The following PLPPR1 variants were observed in gnomAD, a reference collection of about 807,000 sequenced individuals.
The protein encoded by PLPPR1 is phospholipid phosphatase related 1.
Under a neutral mutation model 33.1 loss-of-function variants are expected in PLPPR1, and 10 were observed. That is an observed-to-expected ratio of 0.30 (90% CI 0.19 to 0.51). The LOEUF is 0.51. PLPPR1 is among the 20% of genes least tolerant of loss of function. PLPPR1 has a pLI of 0.97. For missense variants in PLPPR1, 304 were observed against 408.1 expected (o/e 0.74, Z 2.20); for synonymous variants, 151 against 151.0 (o/e 1.00, Z 0.00).
chr9:101,303,317 T>C (rs896235356), intron 4 of PLPPR1, among the ~76,000 whole-genome samples: 1 of 150,506 alleles, frequency 6.6e-6, no homozygotes, highest in Non-Finnish European at 1.5e-5. Flanking sequence ...TTGCTGTTGT[T>C]TGAGAAGGAG....
chr9:101,108,481 A>G (rs546636993), intron 1 of PLPPR1, among the ~76,000 whole-genome samples: 2 of 152,238 alleles, frequency 1.3e-5, no homozygotes, highest in Non-Finnish European at 2.9e-5. Context: ...AAGTAGTATG[A>G]TAAGATAATT....
At chr9:101,321,694 G>A (rs1404542309) in intron 7 of PLPPR1, among the ~76,000 whole-genome samples, 1 of 150,386 alleles carries the variant, frequency 6.6e-6, no homozygotes, top group Non-Finnish European at 1.5e-5. Context: ...TCTGGATGTG[G>A]TATAGAGTCT....
At chr9:101,291,085 T>C (rs911369707) in intron 4 of PLPPR1, among the ~76,000 whole-genome samples, 3 of 152,232 alleles carry the variant, frequency 2.0e-5, no homozygotes, top group African/African-American at 7.2e-5. Flanking sequence ...CCCACCCTAA[T>C]ACTGCGCTTT....
chr9:101,044,781 T>A (rs1305177804), intron 1 of PLPPR1, among the ~76,000 whole-genome samples: 1 of 152,174 alleles, frequency 6.6e-6, no homozygotes, highest in Non-Finnish European at 1.5e-5. Flanking sequence ...GGATCAGATG[T>A]GTTTCTCTTT....
At chr9:101,166,642 A>C (rs1243504396) in intron 1 of PLPPR1, among the ~76,000 whole-genome samples, 1 of 152,212 alleles carries the variant, frequency 6.6e-6, no homozygotes, top group African/African-American at 2.4e-5. Flanking sequence ...ATCATACAAA[A>C]ATTAACTCCA....
chr9:101,153,027 A>G (rs1050323258), intron 1 of PLPPR1, among the ~76,000 whole-genome samples: 1 of 152,222 alleles, frequency 6.6e-6, no homozygotes, highest in African/African-American at 2.4e-5. Context: ...CTTCCTACCC[A>G]CGAGCAGGGA....
rs930099192 is a variant in PLPPR1, at chr9:101,214,777, C to T, written c.63+29220C>T. Among the ~76,000 whole-genome samples the T allele has an allele frequency of 1.6e-4, 24 of 152,200 alleles. No homozygotes were observed. In the South Asian group the frequency reaches 1.9e-3, roughly 12 times the overall value. On this transcript the variant is annotated intron_variant, in intron 2 of 7. Coordinates refer to ENST00000374874, the MANE Select transcript of PLPPR1 (RefSeq NM_207299.2). The stretch of plus-strand genomic sequence containing the variant: ...GTGCATCATGCCTGTAATCCCAGCA[C>T]TTGGGGAGGCCGAGGCAGGCAGATC...
Position 101,278,554 on chromosome 9 carries a change from T to C in PLPPR1, c.253-7550T>C, listed in dbSNP as rs561832447. 9.9e-5 allele frequency among the ~76,000 whole-genome samples: 15 copies of C among 152,176 alleles called. 2 individuals are homozygous for C. Among genetic ancestry groups the C allele is most frequent in the African/African-American group, 2.2e-4 (9 of 41,522 alleles). Reference sequence around the variant, plus strand: ...CACCCCTCCCCCAACCATCACAACATTGAGAGAGACACCATCCACTTGGGG... The same window carrying C: ...CACCCCTCCCCCAACCATCACAACACTGAGAGAGACACCATCCACTTGGGG... On this transcript the variant is annotated intron_variant, in intron 3 of 7. Transcript: ENST00000374874.
At chr9:101,267,157 G>A (rs1828013331) in intron 2 of PLPPR1, among the ~76,000 whole-genome samples, 1 of 152,178 alleles carries the variant, frequency 6.6e-6, no homozygotes, top group Non-Finnish European at 1.5e-5. Context: ...GAAGCCTGGT[G>A]TTATTTCATC....
chr9:101,216,067 C>T (rs1588076488), intron 2 of PLPPR1, among the ~76,000 whole-genome samples: 1 of 152,096 alleles, frequency 6.6e-6, no homozygotes, highest in Non-Finnish European at 1.5e-5. Context: ...AACCTCCATA[C>T]TGTTTTCTGT....
chr9:101,317,249 A>T, intron 6 of PLPPR1, 116 bp from the exon 7 acceptor site: 1 of 1,121,366 alleles, frequency 8.9e-7, no homozygotes, highest in Non-Finnish European at 1.3e-6. Flanking sequence ...CCCTCTCTCA[A>T]AGGAAAAAGG....
chr9:101,154,148 C>A (rs1301705292), intron 1 of PLPPR1, among the ~76,000 whole-genome samples: 3 of 152,144 alleles, frequency 2.0e-5, no homozygotes, highest in Non-Finnish European at 2.9e-5. Flanking sequence ...TGATGTTCAT[C>A]AGGGATATTG....
chr9:101,174,296 CTATT>C (rs1825988233), intron 1 of PLPPR1, among the ~76,000 whole-genome samples: 1 of 152,152 alleles, frequency 6.6e-6, no homozygotes, highest in African/African-American at 2.4e-5. Flanking sequence ...TTAGTGAACT[CTATT>C]AAGTCATTCT....
chr9:101,224,804 G>T (rs1355974424), intron 2 of PLPPR1, among the ~76,000 whole-genome samples: 1 of 152,088 alleles, frequency 6.6e-6, no homozygotes, highest in African/African-American at 2.4e-5. Flanking sequence ...TGCTTATGTG[G>T]TCCCAGACTG....
chr9:101,195,904 C>G (rs1242594799), intron 2 of PLPPR1, among the ~76,000 whole-genome samples: 3 of 152,192 alleles, frequency 2.0e-5, no homozygotes, highest in Non-Finnish European at 4.4e-5. Flanking sequence ...TTCTTGCCTT[C>G]CCTCATGGAG....
At chr9:101,039,782 A>G (rs1830054069) in intron 1 of PLPPR1, among the ~76,000 whole-genome samples, 1 of 152,094 alleles carries the variant, frequency 6.6e-6, no homozygotes, top group South Asian at 2.1e-4. Context: ...CTCATTAACT[A>G]TCGTGAGAAC....
chr9:101,187,401 T>C (rs1405055879), intron 2 of PLPPR1: 2 of 152,002 alleles, frequency 1.3e-5, no homozygotes, highest in Admixed American at 1.3e-4. Context: ...AAATTAGTTC[T>C]TCTGTAGCTT....
In PLPPR1 at chr9:101,247,283, G is replaced by A. The variant is rs1039006638; in HGVS notation, c.64-22597G>A. On this transcript the variant is annotated intron_variant, in intron 2 of 7. Transcript: ENST00000374874. ...CTGGATTCAGAAACGTGGTCTCCAC[G>A]GAAGATTTTTCCATGGGAGAGAAAA... is the stretch of plus-strand genomic sequence containing the variant. 3.2e-4 allele frequency among the ~76,000 whole-genome samples: 48 copies of A among 151,988 alleles called. 1 individual carries two copies. The highest frequency in any genetic ancestry group is 4.8e-5 in the African/African-American group (2 of 41,492).
chr9:101,062,398 C>A (rs946396616), intron 1 of PLPPR1, among the ~76,000 whole-genome samples: 1 of 151,906 alleles, frequency 6.6e-6, no homozygotes, highest in Non-Finnish European at 1.5e-5. Context: ...TAGTTTAGCC[C>A]TCATTAGGCT....
Sources: gnomAD v4.1 joint callset for allele counts (sites outside exome capture counted in the v4.1 genomes callset) on GRCh38, gnomAD v4.1.1 for gene constraint, MANE v1.5 for transcripts, NCBI Gene and HGNC (gene_info 2026-07-23, HGNC 2026-07-21) for gene names.